The following UNC13C variants were observed in gnomAD, a reference collection of about 807,000 sequenced individuals.
The protein encoded by UNC13C is protein unc-13 homolog C.
UNC13C carries 174 observed loss-of-function variants against 245.4 expected under a neutral mutation model. That is an observed-to-expected ratio of 0.71 (90% CI 0.63 to 0.80). UNC13C has a LOEUF of 0.80. UNC13C is among the 30% of genes least tolerant of loss of function. The pLI, the probability that UNC13C is intolerant of heterozygous loss-of-function variation, is 0.00. For missense variants in UNC13C, 2,829 were observed against 2,602.9 expected (o/e 1.09, Z -1.89); for synonymous variants, 992 against 895.1 (o/e 1.11, Z -1.93).
intron 8 of UNC13C, among the ~76,000 whole-genome samples, chr15:54,250,764 T>TC (rs2036129626): frequency 2.3e-4 from 31 of 133,816 alleles, no homozygotes; most frequent in African/African-American, 5.7e-4. Flanking sequence ...TTTTTTTTTT[T>TC]TTTTTTTTTT....
At chr15:54,584,010 GCTCTCT>G in intron 30 of UNC13C, among the ~76,000 whole-genome samples, 1 of 152,122 alleles carries the variant, frequency 6.6e-6, no homozygotes, top group Non-Finnish European at 1.5e-5. Context: ...GGCTCCTGCC[GCTCTCT>G]GGACCTCTCT....
the UNC13C span, among the ~76,000 whole-genome samples, chr15:53,934,717 G>A: frequency 6.6e-6 from 1 of 152,286 alleles, no homozygotes. Context: ...TCAAGGCTGA[G>A]AAATCCCAGA....
intron 18 of UNC13C, among the ~76,000 whole-genome samples, chr15:54,397,849 T>C (rs963891923): frequency 6.6e-6 from 1 of 151,336 alleles, no homozygotes; most frequent in Non-Finnish European, 1.5e-5. Flanking sequence ...AAATTTACTT[T>C]TTTGTAGGTT....
chr15:54,601,670 C>A (rs181448317), intron 30 of UNC13C, among the ~76,000 whole-genome samples: 2 of 151,940 alleles, frequency 1.3e-5, no homozygotes, highest in African/African-American at 4.8e-5. Flanking sequence ...TGCTTTTTTC[C>A]CTTTGGGGAC....
intron 19 of UNC13C, among the ~76,000 whole-genome samples, chr15:54,490,285 G>A (rs118048855): frequency 1.3e-5 from 2 of 152,102 alleles, no homozygotes; most frequent in Non-Finnish European, 2.9e-5. Context: ...AAAGATTTAG[G>A]TATCTTTCCT....
intron 4 of UNC13C, among the ~76,000 whole-genome samples, chr15:54,181,937 G>C (rs555345150): frequency 3.3e-5 from 5 of 152,112 alleles, no homozygotes; most frequent in Non-Finnish European, 7.4e-5. Flanking sequence ...CCTTTTGGCA[G>C]AATATTTAGA....
chr15:54,599,039 A>G (rs1899253384), intron 30 of UNC13C, among the ~76,000 whole-genome samples: 1 of 152,176 alleles, frequency 6.6e-6, no homozygotes, highest in South Asian at 2.1e-4. Context: ...TTAATTTCTC[A>G]TAATAATCAA....
At chr15:54,175,602 T>A (rs1204765086) in intron 4 of UNC13C, among the ~76,000 whole-genome samples, 1 of 142,822 alleles carries the variant, frequency 7.0e-6, no homozygotes, top group East Asian at 2.2e-4. Flanking sequence ...AAGCTCCGCC[T>A]CCCGGGTTCA....
At chr15:54,413,947 G>A (rs1468649290) in intron 18 of UNC13C, among the ~76,000 whole-genome samples, 5 of 152,302 alleles carry the variant, frequency 3.3e-5, no homozygotes, top group Middle Eastern at 3.4e-3. Context: ...CTGGCATGGA[G>A]TGAGTGTTTA....
At chr15:54,083,104 A>G (rs1899042768) in intron 2 of UNC13C, among the ~76,000 whole-genome samples, 1 of 152,100 alleles carries the variant, frequency 6.6e-6, no homozygotes, top group African/African-American at 2.4e-5. Flanking sequence ...GGAAGTGCCC[A>G]CCCTGATGGG....
chr15:54,361,823 C>T (rs1400274990), intron 17 of UNC13C, among the ~76,000 whole-genome samples: 2 of 152,230 alleles, frequency 1.3e-5, no homozygotes, highest in East Asian at 1.9e-4. Flanking sequence ...AATTGCTGCT[C>T]TGCTATTATT....
At chr15:54,277,678 C>T (rs1259015376) in intron 10 of UNC13C, among the ~76,000 whole-genome samples, 5 of 152,156 alleles carry the variant, frequency 3.3e-5, no homozygotes, top group Admixed American at 3.3e-4. Context: ...TGGTTTAAGA[C>T]ATGCTTTAAT....
intron 10 of UNC13C, among the ~76,000 whole-genome samples, chr15:54,288,939 A>G (rs2037219955): frequency 6.6e-6 from 1 of 152,020 alleles, no homozygotes; most frequent in Non-Finnish European, 1.5e-5. Context: ...AGAATGCAAC[A>G]CCTTTAATTT....
chr15:54,612,101 GA>G (rs1900134650), intron 30 of UNC13C, among the ~76,000 whole-genome samples: 1 of 151,946 alleles, frequency 6.6e-6, no homozygotes, highest in African/African-American at 2.4e-5. Flanking sequence ...TTTCATAATT[GA>G]AATTACTAAA....
At chr15:54,555,886 T>A (rs919274442) in intron 29 of UNC13C, among the ~76,000 whole-genome samples, 8 of 152,048 alleles carry the variant, frequency 5.3e-5, no homozygotes, top group Non-Finnish European at 1.0e-4. Flanking sequence ...ATATTTTGGG[T>A]AGACAGAATT....
chr15:54,405,537 A>C (rs941063731), intron 18 of UNC13C, among the ~76,000 whole-genome samples: 8 of 152,292 alleles, frequency 5.3e-5, no homozygotes, highest in Middle Eastern at 3.4e-3. Context: ...CGAATAAAAA[A>C]TTTAGTGTCA....
At chr15:54,201,795 T>C (rs577268740) in intron 4 of UNC13C, among the ~76,000 whole-genome samples, 32 of 152,124 alleles carry the variant, frequency 2.1e-4, no homozygotes, top group Middle Eastern at 3.4e-3. Context: ...TTCAATATAG[T>C]ACTGAAAGTC....
intron 1 of UNC13C, among the ~76,000 whole-genome samples, chr15:54,009,510 G>T (rs1895285138): frequency 6.6e-6 from 1 of 151,376 alleles, no homozygotes; most frequent in South Asian, 2.1e-4. Context: ...TAATGTACAA[G>T]ATAAAGCAGT....
intron 30 of UNC13C, among the ~76,000 whole-genome samples, chr15:54,597,335 A>T (rs1051685846): frequency 6.6e-6 from 1 of 152,206 alleles, no homozygotes; most frequent in Non-Finnish European, 1.5e-5. Flanking sequence ...CGTGCCAGCG[A>T]AGAATCCTAC....
Sources: gnomAD v4.1 joint callset for allele counts (sites outside exome capture counted in the v4.1 genomes callset) on GRCh38, gnomAD v4.1.1 for gene constraint, MANE v1.5 for transcripts, NCBI Gene and HGNC (gene_info 2026-07-23, HGNC 2026-07-21) for gene names.